OPCML: variants seen among roughly 807,000 people sequenced by gnomAD.
OPCML encodes opioid binding protein/cell adhesion molecule like.
Under a neutral mutation model 37.8 loss-of-function variants are expected in OPCML, and 13 were observed. That is an observed-to-expected ratio of 0.34 (90% CI 0.22 to 0.55). The LOEUF (loss-of-function observed/expected upper bound fraction) is 0.55. Among genes scored for constraint, OPCML ranks in the 20% least tolerant of loss-of-function variants. OPCML has a pLI of 0.91. For synonymous variants in OPCML, 176 were observed against 168.8 expected (o/e 1.04, Z -0.33); for missense variants, 341 against 435.6 (o/e 0.78, Z 1.93).
At chr11:132,921,657 C>G (rs2725460) in intron 2 of OPCML, among the ~76,000 whole-genome samples, 10,488 of 152,222 alleles carry the variant, frequency 0.069, 416 homozygotes, top group Middle Eastern at 0.17. Context: ...CACAGGGAAC[C>G]CTGCTCAGAG....
At chr11:132,932,117 A>C (rs1357595097) in intron 2 of OPCML, among the ~76,000 whole-genome samples, 2 of 152,210 alleles carry the variant, frequency 1.3e-5, no homozygotes, top group African/African-American at 4.8e-5. Flanking sequence ...AATAGTAATA[A>C]TAGTAATAGA....
At chr11:132,948,378 G>T (rs936523082) in intron 1 of OPCML, among the ~76,000 whole-genome samples, 9 of 152,208 alleles carry the variant, frequency 5.9e-5, no homozygotes, top group Admixed American at 1.3e-4. Context: ...GCAAGCTTAG[G>T]ATTGTAAAGT....
intron 1 of OPCML, among the ~76,000 whole-genome samples, chr11:133,486,573 A>T (rs528098826): frequency 2.0e-4 from 30 of 151,952 alleles, no homozygotes; most frequent in African/African-American, 7.2e-4. Flanking sequence ...TCTATGTGGG[A>T]TTTCCTCAGA....
At chr11:132,622,388 G>C (rs1394174181) in intron 3 of OPCML, among the ~76,000 whole-genome samples, 2 of 152,064 alleles carry the variant, frequency 1.3e-5, no homozygotes, top group African/African-American at 4.8e-5. Flanking sequence ...CTGTATAAAG[G>C]CCACTGAAGA....
chr11:133,485,162 T>C (rs1367766896), intron 1 of OPCML, among the ~76,000 whole-genome samples: 1 of 150,058 alleles, frequency 6.7e-6, no homozygotes, highest in African/African-American at 2.5e-5. Context: ...CATTTAAAAA[T>C]GAAAACTTGC....
intron 2 of OPCML, among the ~76,000 whole-genome samples, chr11:132,659,032 G>C (rs1941835316): frequency 6.6e-6 from 1 of 151,976 alleles, no homozygotes; most frequent in South Asian, 2.1e-4. Context: ...GAGTTTCCAG[G>C]GCCCAACTGC....
At chr11:133,389,229 T>G (rs990981885) in intron 1 of OPCML, among the ~76,000 whole-genome samples, 1 of 152,202 alleles carries the variant, frequency 6.6e-6, no homozygotes, top group African/African-American at 2.4e-5. Context: ...CCCATCTAAA[T>G]CTTTCGTTCT....
intron 1 of OPCML, among the ~76,000 whole-genome samples, chr11:133,143,191 A>G (rs10750532): frequency 0.91 from 138,905 of 152,218 alleles, 63,642 homozygotes; most frequent in East Asian, 1. Context: ...CATATGAGCA[A>G]TAGCCTACAG....
At chr11:133,179,866 C>G (rs1448603270) in intron 1 of OPCML, among the ~76,000 whole-genome samples, 4 of 152,072 alleles carry the variant, frequency 2.6e-5, no homozygotes, top group African/African-American at 9.7e-5. Context: ...GGCTTGGTGG[C>G]AGGAGGAGAG....
At chr11:132,820,707 C>T (rs191321012) in intron 2 of OPCML, among the ~76,000 whole-genome samples, 1 of 152,220 alleles carries the variant, frequency 6.6e-6, no homozygotes, top group African/African-American at 2.4e-5. Flanking sequence ...ACAGTTGAAG[C>T]TGTATCTCAG....
chr11:133,293,260 A>G (rs1355939580), intron 1 of OPCML, among the ~76,000 whole-genome samples: 2 of 151,920 alleles, frequency 1.3e-5, no homozygotes, highest in Admixed American at 6.6e-5. Flanking sequence ...TTCAACCTTT[A>G]TTTTCTTTCC....
intron 1 of OPCML, among the ~76,000 whole-genome samples, chr11:132,960,508 G>A (rs1215725779): frequency 6.6e-6 from 1 of 152,152 alleles, no homozygotes; most frequent in African/African-American, 2.4e-5. Context: ...CCCTGCAAAA[G>A]CACAGGCTGC....
chr11:133,097,371 A>G (rs1949018311), intron 1 of OPCML, among the ~76,000 whole-genome samples: 1 of 152,216 alleles, frequency 6.6e-6, no homozygotes, highest in Admixed American at 6.5e-5. Flanking sequence ...AACTTATCAC[A>G]TGCGTGTGAT....
intron 2 of OPCML, among the ~76,000 whole-genome samples, chr11:132,727,437 A>T (rs1003265263): frequency 6.6e-6 from 1 of 152,188 alleles, no homozygotes; most frequent in Admixed American, 6.5e-5. Flanking sequence ...TGTGCCAGCC[A>T]GGGCTCTCCT....
In OPCML at chr11:133,481,962, C is replaced by T. The variant is rs114168642; in HGVS notation, c.61+50302G>A. Among the ~76,000 whole-genome samples, 283 of 152,196 alleles carry T rather than the reference C, an allele frequency of 1.9e-3. 2 individuals are homozygous for T. The highest frequency in any genetic ancestry group is 6.1e-3 in the African/African-American group (254 of 41,526). The stretch of plus-strand genomic sequence containing the variant: ...CTGAGGTCAGAAACCTAATGGGCTT[C>T]GAGTGTCATGACAAGGAGTCTGTAC... On this transcript the variant is annotated intron_variant, in intron 1 of 7. Coordinates refer to ENST00000524381, the MANE Select transcript of OPCML (RefSeq NM_001012393.5).
intron 1 of OPCML, among the ~76,000 whole-genome samples, chr11:133,070,186 A>C (rs1433357942): frequency 6.6e-6 from 1 of 152,136 alleles, no homozygotes. Context: ...CATTACAGCT[A>C]TGTTAACGGG....
intron 1 of OPCML, chr11:133,360,772 G>T (rs1400957189): frequency 6.6e-6 from 1 of 152,204 alleles, no homozygotes; most frequent in Non-Finnish European, 1.5e-5. Context: ...ACAGATGTTG[G>T]AGTCAGACTT....
chr11:132,795,144 G>A (rs932018095), intron 2 of OPCML, among the ~76,000 whole-genome samples: 1 of 151,992 alleles, frequency 6.6e-6, no homozygotes, highest in South Asian at 2.1e-4. Flanking sequence ...TCAAAGATCC[G>A]AGGTTAACAT....
intron 2 of OPCML, among the ~76,000 whole-genome samples, chr11:132,674,436 G>A (rs1230402588): frequency 6.6e-6 from 1 of 152,158 alleles, no homozygotes; most frequent in Non-Finnish European, 1.5e-5. Context: ...AGGGTGAACA[G>A]CCCCAGTGAA....
Sources: allele counts gnomAD v4.1 joint callset (sites outside exome capture counted in the v4.1 genomes callset), GRCh38; gene constraint gnomAD v4.1.1; transcripts MANE v1.5; gene names NCBI Gene and HGNC (gene_info 2026-07-23, HGNC 2026-07-21).